Variants in ZFAT observed in about 807,000 individuals in gnomAD.
The protein encoded by ZFAT is zinc finger protein ZFAT.
Under a neutral mutation model 117.7 loss-of-function variants are expected in ZFAT, and 64 were observed. The observed-to-expected ratio is 0.54, with a 90% CI of 0.44 to 0.67. The LOEUF (loss-of-function observed/expected upper bound fraction) is 0.67, where lower values mean the gene tolerates loss of function less well. Ranked by LOEUF, ZFAT falls within the 30% of genes least tolerant of loss-of-function variation. The probability of loss-of-function intolerance (pLI) is 0.00; values close to 1 mark genes in which losing one functional copy is unlikely to be tolerated. For missense variants in ZFAT, 1,433 were observed against 1,584.5 expected (o/e 0.90, Z 1.62); for synonymous variants, 679 against 615.0 (o/e 1.10, Z -1.54).
chr8:134,737,137 G>A, the ZFAT span, among the ~76,000 whole-genome samples: 1 of 151,988 alleles, frequency 6.6e-6, no homozygotes, highest in African/African-American at 2.4e-5. Context: ...AAAATTAGCT[G>A]GACGTGGTGG....
chr8:134,478,393 C>T lies in ZFAT; in HGVS notation c.*89G>A, dbSNP rs531949837. 3.5e-4 allele frequency: 517 copies of T among 1,483,130 alleles called. 2 individuals are homozygous for T. Among genetic ancestry groups the T allele is most frequent in the South Asian group, 2.0e-3 (149 of 75,054 alleles). The allele number at this position is 1,483,130 out of a possible 1,614,324, so 91.9% of individuals were successfully genotyped here. On this transcript the variant is annotated 3_prime_UTR_variant, in exon 16 of 16. Transcript: ENST00000377838. The surrounding 1 kb of genome is among the most constrained non-coding windows in gnomAD (Gnocchi z 5.2). ...GAGGGCAAAGGAGAGCACCATTCTG[C>T]GGGTAGGGCAGGAAGGGTGGCCTCC...
intron 1 of ZFAT, among the ~76,000 whole-genome samples, chr8:134,702,056 G>A (rs764354726): frequency 1.6e-4 from 25 of 152,304 alleles, no homozygotes; most frequent in Non-Finnish European, 3.4e-4. Flanking sequence ...TAGTACATTA[G>A]CAAACTCGGC....
chr8:134,597,705 G>C (rs1827069497), intron 7 of ZFAT: 1 of 152,122 alleles, frequency 6.6e-6, no homozygotes, highest in African/African-American at 2.4e-5. Context: ...CGTAGAGGAG[G>C]GGGCCTCCAG....
At chr8:134,801,308 T>C in the ZFAT span, among the ~76,000 whole-genome samples, 1 of 152,170 alleles carries the variant, frequency 6.6e-6, no homozygotes, top group Non-Finnish European at 1.5e-5. Flanking sequence ...CTCCCCCTCT[T>C]TTTGCATTCT....
intron 2 of ZFAT, among the ~76,000 whole-genome samples, chr8:134,644,545 CACAT>C (rs1227488050): frequency 2.0e-5 from 3 of 152,216 alleles, no homozygotes; most frequent in African/African-American, 7.2e-5. Context: ...CAACCACACA[CACAT>C]GCACACTCAC....
rs973139247 is a variant in ZFAT at position 134,538,680 on chromosome 8, C to T, written c.2977-5708G>A. On this transcript the variant is annotated intron_variant, in intron 11 of 15. Transcript: ENST00000377838. The stretch of plus-strand genomic sequence containing the variant: ...GGCATGGTGGTACATGCCTGTAGTC[C>T]CAGCTACTTGTGGGGTTGAGGCACG... Among the ~76,000 whole-genome samples the T allele has an allele frequency of 8.6e-5, 13 of 151,728 alleles. 1 individual carries two copies. The highest frequency in any genetic ancestry group is 2.7e-4 in the African/African-American group (11 of 41,372).
intron 11 of ZFAT, among the ~76,000 whole-genome samples, chr8:134,558,400 A>G (rs1823806726): frequency 6.6e-6 from 1 of 152,126 alleles, no homozygotes; most frequent in South Asian, 2.1e-4. Flanking sequence ...CAGTGTTCAT[A>G]TTTTTCAAAT....
At chr8:134,577,218 T>G (rs1004901506) in intron 10 of ZFAT, among the ~76,000 whole-genome samples, 4 of 152,334 alleles carry the variant, frequency 2.6e-5, no homozygotes, top group African/African-American at 9.6e-5. Context: ...TTTGTACATA[T>G]TGACTGGCAA....
intron 1 of ZFAT, among the ~76,000 whole-genome samples, chr8:134,711,888 C>T (rs1395079789): frequency 1.3e-5 from 2 of 152,150 alleles, no homozygotes; most frequent in Non-Finnish European, 2.9e-5. Flanking sequence ...CTTCCTTCAG[C>T]ATGGGGACAC....
chr8:134,680,154 T>C (rs1833003889), intron 1 of ZFAT, among the ~76,000 whole-genome samples: 1 of 149,534 alleles, frequency 6.7e-6, no homozygotes, highest in Non-Finnish European at 1.5e-5. Flanking sequence ...CCCAGCTACT[T>C]GGGAGGCTGA....
In ZFAT at chr8:134,523,175, C is replaced by CT. The variant is rs1355903334; in HGVS notation, c.3116-2175dup. Among the ~76,000 whole-genome samples the CT allele has an allele frequency of 3.9e-5, 6 of 152,340 alleles. No homozygotes were observed. In the South Asian group the frequency reaches 1.0e-3, roughly 26 times the overall value. ...CTGCATGGGTGCAAGTACCACTCCA[C>CT]TGAACACTCTGTTCCTCCAGCCTCC... On this transcript the variant is annotated intron_variant, in intron 12 of 15. Transcript: ENST00000377838.
chr8:134,788,973 T>C, the ZFAT span, among the ~76,000 whole-genome samples: 1 of 151,788 alleles, frequency 6.6e-6, no homozygotes. Context: ...AGTATGCCTC[T>C]TGTAAGCAAC....
In ZFAT at chr8:134,478,199, TG is replaced by T; in HGVS notation, c.*282del. On this transcript the variant is annotated 3_prime_UTR_variant, in exon 16 of 16. Transcript: ENST00000377838. This position sits in a 1 kb window ranked among gnomAD's most constrained non-coding sequence, Gnocchi z 5.2. ...AATCTTGAAGCAAGGGGTGAAGGTG[TG>T]GGGTGTGTGTAGGGGAGCTGACACT... is the stretch of plus-strand genomic sequence containing the variant. 1 of 449,492 alleles carries T rather than the reference TG, an allele frequency of 2.2e-6. No homozygotes were observed. 27.8% of individuals were successfully genotyped at this position (449,492 alleles called of 1,614,324 possible). A position where few individuals can be genotyped will look rare whatever the true frequency, so the allele number is the denominator to read the frequency against.
At chr8:134,629,580 T>C (rs1829749309) in intron 3 of ZFAT, among the ~76,000 whole-genome samples, 1 of 152,186 alleles carries the variant, frequency 6.6e-6, no homozygotes, top group African/African-American at 2.4e-5. Flanking sequence ...TCCTCCTTAC[T>C]GTTCTCATAA....
At chr8:134,571,481 C>G (rs1284520324) in intron 10 of ZFAT, among the ~76,000 whole-genome samples, 1 of 152,222 alleles carries the variant, frequency 6.6e-6, no homozygotes, top group African/African-American at 2.4e-5. Context: ...CAACTGCAAC[C>G]AATATGAGTT....
At chr8:134,556,437 T>A (rs1823629151) in intron 11 of ZFAT, among the ~76,000 whole-genome samples, 1 of 151,554 alleles carries the variant, frequency 6.6e-6, no homozygotes, top group African/African-American at 2.4e-5. Context: ...TTGAGAACAG[T>A]CCAAAACTGA....
chr8:134,667,286 A>G (rs1206315942), intron 1 of ZFAT, among the ~76,000 whole-genome samples: 1 of 152,068 alleles, frequency 6.6e-6, no homozygotes, highest in East Asian at 1.9e-4. Flanking sequence ...AGGTCAGGAG[A>G]TCCAGACCAC....
intron 1 of ZFAT, 23 bp from the exon 2 acceptor site, chr8:134,657,760 T>C (rs1831700314): frequency 1.9e-6 from 3 of 1,606,934 alleles, no homozygotes; most frequent in South Asian, 1.1e-5. Flanking sequence ...AAAAGGAAAA[T>C]ATGTTATTTC....
the ZFAT span, chr8:134,766,002 G>A: frequency 1.3e-5 from 2 of 152,202 alleles, no homozygotes; most frequent in African/African-American, 4.8e-5. Flanking sequence ...TTGCACACTG[G>A]AGGCCTTGAC....
Sources: gnomAD v4.1 joint callset for allele counts (sites outside exome capture counted in the v4.1 genomes callset) on GRCh38, gnomAD v4.1.1 for gene constraint, Gnocchi (gnomAD v3.1) non-coding constraint, MANE v1.5 for transcripts, NCBI Gene and HGNC (gene_info 2026-07-23, HGNC 2026-07-21) for gene names.